SUMF1: variants seen among roughly 807,000 people sequenced by gnomAD.
SUMF1 encodes the protein sulfatase modifying factor 1.
SUMF1 carries 48 observed loss-of-function variants against 47.6 expected under a neutral mutation model. The observed-to-expected ratio is 1.01, with a 90% CI of 0.80 to 1.28. The LOEUF (loss-of-function observed/expected upper bound fraction) is 1.28, where lower values mean the gene tolerates loss of function less well. Among genes scored for constraint, SUMF1 ranks in the 50% most tolerant of loss-of-function variants. The pLI, the probability that SUMF1 is intolerant of heterozygous loss-of-function variation, is 0.00. For synonymous variants in SUMF1, 230 were observed against 192.1 expected, an observed-to-expected ratio of 1.20 and a Z score of -1.63; for missense variants, 571 against 485.4, an observed-to-expected ratio of 1.18 and a Z score of -1.66.
At chr3:4,344,530 G>T (rs1053046728) in intron 8 of SUMF1, among the ~76,000 whole-genome samples, 2 of 152,004 alleles carry the variant, frequency 1.3e-5, no homozygotes, top group African/African-American at 4.8e-5. Context: ...CCCATCCAAG[G>T]GTCAGCAGCC....
intron 8 of SUMF1, among the ~76,000 whole-genome samples, chr3:4,145,493 G>A (rs1432928603): frequency 6.6e-6 from 1 of 151,950 alleles, no homozygotes; most frequent in Non-Finnish European, 1.5e-5. Flanking sequence ...TCTTGTTCTG[G>A]CCAAACCAAA....
intron 9 of SUMF1, among the ~76,000 whole-genome samples, chr3:4,046,619 CT>C (rs1415244746): frequency 6.6e-6 from 1 of 152,150 alleles, no homozygotes; most frequent in African/African-American, 2.4e-5. Flanking sequence ...TTACCTCACT[CT>C]TTCCCAGCAT....
chr3:4,452,636 A>G (rs1703011453), intron 2 of SUMF1, among the ~76,000 whole-genome samples: 1 of 152,238 alleles, frequency 6.6e-6, no homozygotes, highest in Non-Finnish European at 1.5e-5. Context: ...CAGCTCTACC[A>G]CCAACTAGCT....
intron 8 of SUMF1, among the ~76,000 whole-genome samples, chr3:4,364,919 G>A (rs1699898406): frequency 1.3e-5 from 2 of 150,500 alleles, no homozygotes; most frequent in Admixed American, 6.6e-5. Context: ...ATTCTGGTAT[G>A]TTGTGTCTTT....
intron 8 of SUMF1, among the ~76,000 whole-genome samples, chr3:4,123,785 C>A (rs115239063): frequency 0.028 from 4,277 of 152,150 alleles, 89 homozygotes; most frequent in African/African-American, 0.05. Flanking sequence ...GAAAAATGAA[C>A]TACATAATAT....
At chr3:4,454,952 T>C (rs769178044) in intron 1 of SUMF1, among the ~76,000 whole-genome samples, 1 of 152,316 alleles carries the variant, frequency 6.6e-6, no homozygotes, top group Middle Eastern at 3.4e-3. Flanking sequence ...CTAATGGGCA[T>C]AGAGTTTCTT....
chr3:4,209,160 A>C (rs1271761950), intron 8 of SUMF1, among the ~76,000 whole-genome samples: 1 of 152,138 alleles, frequency 6.6e-6, no homozygotes. Flanking sequence ...AATTCAATAA[A>C]ATTTTATTGG....
intron 7 of SUMF1, among the ~76,000 whole-genome samples, chr3:4,403,101 T>C (rs1222439098): frequency 2.0e-5 from 3 of 152,208 alleles, no homozygotes; most frequent in South Asian, 2.1e-4. Flanking sequence ...CTGCCAAACA[T>C]GGTGCTAAGT....
intron 8 of SUMF1, among the ~76,000 whole-genome samples, chr3:4,225,575 G>A (rs1696155818): frequency 6.6e-6 from 1 of 152,094 alleles, no homozygotes; most frequent in African/African-American, 2.4e-5. Flanking sequence ...TAACACACAT[G>A]CAGACAAACA....
At chr3:4,422,961 A>C (rs1701952269) in intron 3 of SUMF1, among the ~76,000 whole-genome samples, 1 of 152,030 alleles carries the variant, frequency 6.6e-6, no homozygotes, top group Non-Finnish European at 1.5e-5. Flanking sequence ...GAGTCCCCAA[A>C]GTCCGTTGTG....
intron 8 of SUMF1, chr3:4,316,826 C>G (rs887805632): frequency 1.9e-5 from 30 of 1,550,442 alleles, no homozygotes; most frequent in Admixed American, 7.8e-5. Context: ...TGATCCACTA[C>G]AGCTTTCTGA....
chr3:4,078,104 C>T (rs2600110), intron 8 of SUMF1, among the ~76,000 whole-genome samples: 105,996 of 151,504 alleles, frequency 0.7, 37,253 homozygotes, highest in East Asian at 0.77. Context: ...ATAGCAGACA[C>T]TACTGATTGC....
At chr3:4,181,340 T>C (rs1695091560) in intron 8 of SUMF1, among the ~76,000 whole-genome samples, 2 of 152,160 alleles carry the variant, frequency 1.3e-5, no homozygotes. Context: ...GTGATTATGG[T>C]TCGAAGCTTA....
At chr3:4,433,420 T>C (rs1702298919) in intron 3 of SUMF1, among the ~76,000 whole-genome samples, 2 of 152,230 alleles carry the variant, frequency 1.3e-5, no homozygotes, top group African/African-American at 4.8e-5. Flanking sequence ...TCCAGGGTTA[T>C]CATGTTTTGC....
chr3:4,054,510 T>C (rs913919519), intron 9 of SUMF1, among the ~76,000 whole-genome samples: 3 of 152,166 alleles, frequency 2.0e-5, no homozygotes, highest in African/African-American at 7.2e-5. Flanking sequence ...GCAAATGCTG[T>C]AGCAAACAGT....
At chr3:4,350,944 G>GAAA (rs201910548) in intron 8 of SUMF1, among the ~76,000 whole-genome samples, 1 of 143,792 alleles carries the variant, frequency 7.0e-6, no homozygotes, top group South Asian at 2.2e-4. Flanking sequence ...AACAAAAAAA[G>GAAA]AAAAAAAAAA....
intron 8 of SUMF1, among the ~76,000 whole-genome samples, chr3:4,249,564 T>C (rs1381300763): frequency 1.3e-5 from 2 of 152,212 alleles, no homozygotes; most frequent in East Asian, 3.8e-4. Context: ...TAAATGTTTG[T>C]GTTCTGACTG....
chr3:4,104,710 C>T (rs1693118402), intron 8 of SUMF1, among the ~76,000 whole-genome samples: 1 of 151,772 alleles, frequency 6.6e-6, no homozygotes, highest in Non-Finnish European at 1.5e-5. Flanking sequence ...CTCCTCCCAG[C>T]CCCTACCAAT....
At chr3:4,419,820 C>A (rs778344003) in intron 4 of SUMF1, among the ~76,000 whole-genome samples, 15 of 152,324 alleles carry the variant, frequency 9.8e-5, no homozygotes, top group Admixed American at 3.9e-4. Flanking sequence ...GAAGAGGCAA[C>A]TCTTTGACAA....
Sources: allele counts gnomAD v4.1 joint callset (sites outside exome capture counted in the v4.1 genomes callset), GRCh38; gene constraint gnomAD v4.1.1; transcripts MANE v1.5; gene names NCBI Gene and HGNC (gene_info 2026-07-23, HGNC 2026-07-21).